The following TAB2 variants were observed in gnomAD, a reference collection of about 807,000 sequenced individuals.
The protein encoded by TAB2 is TGF-beta-activated kinase 1 and MAP3K7-binding protein 2.
Under a neutral mutation model 65.0 loss-of-function variants are expected in TAB2, and 3 were observed. That is an observed-to-expected ratio of 0.05 (90% CI 0.02 to 0.12). TAB2 has a LOEUF of 0.12. Among genes scored for constraint, TAB2 ranks in the 10% least tolerant of loss-of-function variants. The pLI is 1.00. For synonymous variants in TAB2, 298 were observed against 285.1 expected, an observed-to-expected ratio of 1.05 and a Z score of -0.46; for missense variants, 623 against 840.3, an observed-to-expected ratio of 0.74 and a Z score of 3.20.
In TAB2 at chr6:149,330,637, T is replaced by C. The variant is rs73613020; in HGVS notation, c.-90+12622T>C. Among the ~76,000 whole-genome samples, 1,227 of 152,312 alleles carry C rather than the reference T, an allele frequency of 8.1e-3. 16 individuals are homozygous for C. Among genetic ancestry groups the C allele is most frequent in the African/African-American group, 0.028 (1,149 of 41,574 alleles). On this transcript the variant is annotated intron_variant, in intron 1 of 6. Coordinates refer to ENST00000637181, the MANE Select transcript of TAB2 (RefSeq NM_001292034.3). ...ATATTCTAATTGAATTGTTTTGTTTTCTTGTTGAGTTTAGAGAGTTCTTTA... is the reference window on the plus strand; with the variant it reads ...ATATTCTAATTGAATTGTTTTGTTTCCTTGTTGAGTTTAGAGAGTTCTTTA...
At chr6:149,325,454 A>AACTCCTTAGAGTT (rs1201340893) in intron 1 of TAB2, among the ~76,000 whole-genome samples, 4 of 152,206 alleles carry the variant, frequency 2.6e-5, no homozygotes, top group Non-Finnish European at 5.9e-5. Flanking sequence ...AATTTACTGT[A>AACTCCTTAGAGTT]ACTCCTTAGA....
At chr6:149,391,926 T>G (rs1337115776) in intron 3 of TAB2, among the ~76,000 whole-genome samples, 1 of 152,120 alleles carries the variant, frequency 6.6e-6, no homozygotes, top group Non-Finnish European at 1.5e-5. Context: ...TTGGCAGTGA[T>G]GTTTTTAATT....
intron 1 of TAB2, among the ~76,000 whole-genome samples, chr6:149,302,999 G>A (rs1778995908): frequency 1.3e-5 from 2 of 152,188 alleles, no homozygotes; most frequent in Non-Finnish European, 1.5e-5. Context: ...ATAGGAGCAC[G>A]AACCCTATTG....
At chr6:149,335,512 C>G (rs1779908205) in intron 1 of TAB2, among the ~76,000 whole-genome samples, 1 of 151,972 alleles carries the variant, frequency 6.6e-6, no homozygotes, top group African/African-American at 2.4e-5. Flanking sequence ...GGACTACAGA[C>G]ACCAGCCACC....
chr6:149,241,142 T>G (rs1777589978), intron 1 of TAB2, among the ~76,000 whole-genome samples: 1 of 152,168 alleles, frequency 6.6e-6, no homozygotes, highest in African/African-American at 2.4e-5. Flanking sequence ...GAATGAAATC[T>G]ACCATGCCAG....
chr6:149,361,438 G>A (rs1042690809), intron 1 of TAB2, among the ~76,000 whole-genome samples: 9 of 152,178 alleles, frequency 5.9e-5, no homozygotes, highest in Admixed American at 1.3e-4. Context: ...TAGCTGGAGC[G>A]GCCTGGATTC....
intron 1 of TAB2, among the ~76,000 whole-genome samples, chr6:149,232,732 T>C (rs1777428947): frequency 6.6e-6 from 1 of 152,220 alleles, no homozygotes; most frequent in Non-Finnish European, 1.5e-5. Context: ...TATTGCCTTC[T>C]ATTAGTTATT....
chr6:149,394,968 T>C (rs1033385155), intron 3 of TAB2, among the ~76,000 whole-genome samples: 1 of 152,276 alleles, frequency 6.6e-6, no homozygotes, highest in African/African-American at 2.4e-5. Context: ...AGCAAGGCTG[T>C]ATCCAATAAA....
upstream of TAB2, among the ~76,000 whole-genome samples, chr6:149,317,052 C>T: frequency 6.6e-6 from 1 of 150,454 alleles, no homozygotes; most frequent in East Asian, 2.0e-4. The surrounding 1 kb of genome is among the most constrained non-coding windows in gnomAD (Gnocchi z 4.7). Context: ...CCGGCCGGGC[C>T]CCCGGACCCC....
intron 1 of TAB2, among the ~76,000 whole-genome samples, chr6:149,307,969 T>C (rs1474279435): frequency 6.6e-6 from 1 of 152,192 alleles, no homozygotes; most frequent in African/African-American, 2.4e-5. Context: ...GGGATCATAG[T>C]ATTTTTGACA....
chr6:149,329,773 A>G (rs1029279237), intron 1 of TAB2, among the ~76,000 whole-genome samples: 2 of 152,164 alleles, frequency 1.3e-5, no homozygotes, highest in Non-Finnish European at 2.9e-5. Context: ...TTTACTCAGG[A>G]TGGGGTAGGA....
At chr6:149,281,256 A>G (rs968015363) in intron 1 of TAB2, among the ~76,000 whole-genome samples, 1 of 152,134 alleles carries the variant, frequency 6.6e-6, no homozygotes, top group Non-Finnish European at 1.5e-5. Context: ...GTAGAAATGG[A>G]AGTACATTAT....
chr6:149,397,774 T>C lies in TAB2; in HGVS notation c.1764+10T>C. On this transcript the variant is annotated intron_variant, in intron 4 of 6. Transcript: ENST00000637181. Reference sequence around the variant, plus strand: ...ATCCCAGATACCTTCCGTAAGTCTTTATGTAACTGTTGTGATCTCTGCTTG... The same window carrying C: ...ATCCCAGATACCTTCCGTAAGTCTTCATGTAACTGTTGTGATCTCTGCTTG... 2 of 1,612,470 alleles carry C rather than the reference T, an allele frequency of 1.2e-6. No homozygotes were observed. Among genetic ancestry groups the C allele is most frequent in the South Asian group, 1.1e-5 (1 of 91,004 alleles).
Position 149,232,648 on chromosome 6 carries a change from G to C in TAB2, c.-121+13872G>C, listed in dbSNP as rs76780218. Among the ~76,000 whole-genome samples the C allele has an allele frequency of 2.6e-3, 397 of 152,286 alleles. 11 individuals carry two copies. The East Asian group carries it at 0.068, about 26-fold the overall frequency. ...TATGCCTTGTTCAAACCATAGAAGT[G>C]GGGGGAGGGTATCACTGAACTGGAT... On this transcript the variant is annotated intron_variant, in intron 1 of 1. Coordinates refer to the TAB2 transcript ENST00000606202.
At chr6:149,399,288 T>G in intron 6 of TAB2, 104 bp downstream of exon 6, 1 of 830,850 alleles carries the variant, frequency 1.2e-6, no homozygotes, top group Admixed American at 2.1e-5. Flanking sequence ...CTTCAAACTT[T>G]GGCATTCTTA....
At chr6:149,345,308 G>A (rs1780258748) in intron 1 of TAB2, among the ~76,000 whole-genome samples, 2 of 152,132 alleles carry the variant, frequency 1.3e-5, no homozygotes, top group African/African-American at 4.8e-5. Context: ...AAGTTAGAAA[G>A]TAACTGTAAA....
intron 1 of TAB2, among the ~76,000 whole-genome samples, chr6:149,237,891 C>G (rs1777530131): frequency 6.6e-6 from 1 of 152,216 alleles, no homozygotes; most frequent in Non-Finnish European, 1.5e-5. Context: ...AAAACATCCA[C>G]TTTTTCTTCA....
At chr6:149,262,684 C>A (rs533156354) in intron 1 of TAB2, among the ~76,000 whole-genome samples, 1 of 152,226 alleles carries the variant, frequency 6.6e-6, no homozygotes, top group South Asian at 2.1e-4. Context: ...AGCAGCAAAT[C>A]CACATCACAT....
At chr6:149,222,665 A>C (rs1378623503) in intron 1 of TAB2, among the ~76,000 whole-genome samples, 1 of 151,510 alleles carries the variant, frequency 6.6e-6, no homozygotes, top group Non-Finnish European at 1.5e-5. Flanking sequence ...TATATGTGCC[A>C]TTGGTTCTGT....
Sources: allele counts gnomAD v4.1 joint callset (sites outside exome capture counted in the v4.1 genomes callset), GRCh38; gene constraint gnomAD v4.1.1; non-coding constraint Gnocchi (gnomAD v3.1); transcripts MANE v1.5; gene names NCBI Gene and HGNC (gene_info 2026-07-23, HGNC 2026-07-21).